Variants in TPRA1 observed in about 807,000 individuals in gnomAD.
TPRA1 encodes transmembrane protein adipocyte-associated 1.
In TPRA1, 28 loss-of-function variants were observed where a neutral mutation model predicts 40.1. That is an observed-to-expected ratio of 0.70 (90% confidence interval 0.52 to 0.96). The LOEUF (loss-of-function observed/expected upper bound fraction) is 0.96, where lower values mean the gene tolerates loss of function less well. TPRA1 is among the 40% of genes least tolerant of loss of function. The probability of loss-of-function intolerance (pLI) is 0.00; values close to 1 mark genes in which losing one functional copy is unlikely to be tolerated. For synonymous variants in TPRA1, 219 were observed against 209.7 expected (o/e 1.04, Z -0.38); for missense variants, 441 against 482.6 (o/e 0.91, Z 0.81).
chr3:127,573,864 G>T, intron 10 of TPRA1, 76 bp from the exon 11 acceptor site: 1 of 1,485,942 alleles, frequency 6.7e-7, no homozygotes, highest in Non-Finnish European at 9.0e-7. Context: ...GGCTGATGGG[G>T]CCACCAGATA....
At chr3:127,575,919 C>CTGCCCCAGCCACCCCAGT (rs2073602636) in intron 7 of TPRA1, 21 bp downstream of exon 7, 1 of 1,613,098 alleles carries the variant, frequency 6.2e-7, no homozygotes, top group African/African-American at 1.3e-5. Flanking sequence ...GCCACCCCAG[C>CTGCCCCAGCCACCCCAGT]TGCCCCAGCC....
At position 127,573,272 on chromosome 3, in the gene TPRA1, A is replaced by C. The variant is rs2073432624; in HGVS notation, c.*249T>G. 3 of 444,746 alleles carry C rather than the reference A, an allele frequency of 6.7e-6. No homozygotes were observed. Among genetic ancestry groups the C allele is most frequent in the South Asian group, 5.6e-5 (1 of 18,000 alleles). 27.5% of individuals were successfully genotyped at this position (444,746 alleles called of 1,614,324 possible). A position where few individuals can be genotyped will look rare whatever the true frequency, so the allele number is the denominator to read the frequency against. ...CCTTGCCAAGCATGGCCCTGGAAGG[A>C]AAGCCTGGGCCATGTCACTGAGCAG... On this transcript the variant is annotated 3_prime_UTR_variant, in exon 11 of 11. Transcript: ENST00000355552.
At chr3:127,583,616 G>C (rs902799170) in intron 1 of TPRA1, among the ~76,000 whole-genome samples, 2 of 151,722 alleles carry the variant, frequency 1.3e-5, no homozygotes, top group African/African-American at 4.8e-5. Flanking sequence ...TAAGAAAGAA[G>C]ATGGCTCCTT....
Position 127,576,566 on chromosome 3 carries a change from G to A in TPRA1, c.498+51C>T, listed in dbSNP as rs1235407447. 17 of 1,514,888 alleles carry A rather than the reference G, an allele frequency of 1.1e-5. No individual in the cohort carries two copies. In the East Asian group the frequency reaches 3.9e-4, roughly 35 times the overall value. The allele number at this position is 1,514,888 out of a possible 1,614,324, so 93.8% of individuals were successfully genotyped here. ...CCTGACCCAGACCCAGAAGCAGTGG[G>A]TGCCTGGTGCCCTGACTCCTAGCGT... On this transcript the variant is annotated intron_variant, in intron 6 of 10. Transcript: ENST00000355552. This position sits in a 1 kb window ranked among gnomAD's most constrained non-coding sequence, Gnocchi z 4.6.
At chr3:127,596,507 T>C (rs1383016743) in intron 1 of TPRA1, among the ~76,000 whole-genome samples, 1 of 152,226 alleles carries the variant, frequency 6.6e-6, no homozygotes, top group African/African-American at 2.4e-5. Flanking sequence ...CTCTTAACTG[T>C]TGGGGTTTCC....
At chr3:127,578,016 C>T (rs547893886) in intron 3 of TPRA1, among the ~76,000 whole-genome samples, 103 of 152,284 alleles carry the variant, frequency 6.8e-4, no homozygotes, top group African/African-American at 2.5e-3. Context: ...AGATCCCAGG[C>T]TGAGTGGGAG....
chr3:127,583,843 T>C (rs895267317), intron 1 of TPRA1, among the ~76,000 whole-genome samples: 5 of 152,090 alleles, frequency 3.3e-5, no homozygotes, highest in African/African-American at 1.2e-4. Flanking sequence ...GCTAATTTTT[T>C]GTATTTTAGT....
upstream of TPRA1, among the ~76,000 whole-genome samples, chr3:127,594,021 A>G (rs1237379751): frequency 6.6e-6 from 1 of 152,260 alleles, no homozygotes; most frequent in Non-Finnish European, 1.5e-5. Flanking sequence ...GGTGTCAATG[A>G]CAATGTGCTA....
At chr3:127,590,737 A>T (rs925097424), upstream of TPRA1, 1 of 152,166 alleles carries the variant, frequency 6.6e-6, no homozygotes, top group South Asian at 2.1e-4. Context: ...CAGTCCCACA[A>T]GTCCCAGAGT....
At position 127,589,383 on chromosome 3, in the gene TPRA1, C is replaced by T. The variant is rs79855626; in HGVS notation, c.-18+1027G>A. Among the ~76,000 whole-genome samples, 1,398 of 150,188 alleles carry T rather than the reference C, an allele frequency of 9.3e-3. 20 individuals are homozygous for T. The highest frequency in any genetic ancestry group is 0.03 in the African/African-American group (1,225 of 40,920). On this transcript the variant is annotated intron_variant, in intron 1 of 10. Transcript: ENST00000355552. Reference sequence around the variant, plus strand: ...GGGCCCTCAGTGCTTCCCACACCGACGGGTTGTTGAGCTTACAAACCCTAG... The same window carrying T: ...GGGCCCTCAGTGCTTCCCACACCGATGGGTTGTTGAGCTTACAAACCCTAG...
At chr3:127,574,609 G>A (rs1013593593) in intron 10 of TPRA1, among the ~76,000 whole-genome samples, 1 of 152,182 alleles carries the variant, frequency 6.6e-6, no homozygotes, top group Non-Finnish European at 1.5e-5. Flanking sequence ...TGTGGGCCTC[G>A]CATCTTCTGG....
intron 1 of TPRA1, among the ~76,000 whole-genome samples, chr3:127,582,989 C>T (rs2073880032): frequency 6.6e-6 from 1 of 151,148 alleles, no homozygotes; most frequent in Non-Finnish European, 1.5e-5. Flanking sequence ...ACTAAAAATA[C>T]AAAAAAATTA....
intron 3 of TPRA1, 77 bp downstream of exon 3, chr3:127,579,663 T>A: frequency 1.3e-6 from 2 of 1,515,588 alleles, no homozygotes; most frequent in Non-Finnish European, 1.8e-6. Flanking sequence ...AAGCTTATTT[T>A]CATTATAGAA....
Position 127,572,723 on chromosome 3 carries a change from T to C in TPRA1, c.*798A>G, listed in dbSNP as rs2073411007. 1.3e-5 allele frequency among the ~76,000 whole-genome samples: 2 copies of C among 152,204 alleles called. No homozygotes were observed. The highest frequency in any genetic ancestry group is 4.8e-5 in the African/African-American group (2 of 41,458). ...ATGGGTCTTCTCCGCATTTTACAGA[T>C]GGCAATAGTAAGTCCATTCTGCGTT... On this transcript the variant is annotated 3_prime_UTR_variant, in exon 11 of 11. Coordinates refer to ENST00000355552, the MANE Select transcript of TPRA1 (RefSeq NM_001136053.4).
chr3:127,581,239 G>C lies in TPRA1; in HGVS notation c.-17-1076C>G, dbSNP rs138063643. Among the ~76,000 whole-genome samples the C allele has an allele frequency of 3.3e-5, 5 of 152,330 alleles. No individual in the cohort carries two copies. The East Asian group carries it at 9.7e-4, about 29-fold the overall frequency. Reference sequence around the variant, plus strand: ...AGATGCCTGTGACTCTGCTTCACCAGGAATGCTTGTAAAGGCTGTGGATGA... The same window carrying C: ...AGATGCCTGTGACTCTGCTTCACCACGAATGCTTGTAAAGGCTGTGGATGA... On this transcript the variant is annotated intron_variant, in intron 1 of 10. Coordinates refer to ENST00000355552, the MANE Select transcript of TPRA1 (RefSeq NM_001136053.4).
At chr3:127,573,926 A>G (rs762106496) in intron 10 of TPRA1, 138 bp from the exon 11 acceptor site, 14 of 1,168,940 alleles carry the variant, frequency 1.2e-5, no homozygotes, top group Admixed American at 2.9e-5. Context: ...TGGGCCTGTG[A>G]GCTGGACCCC....
intron 3 of TPRA1, among the ~76,000 whole-genome samples, chr3:127,577,403 C>T (rs759818962): frequency 6.6e-6 from 1 of 152,210 alleles, no homozygotes; most frequent in Admixed American, 6.5e-5. Context: ...ACAAGCAGCA[C>T]GCTGCTGCTT....
At chr3:127,575,897 C>T (rs1426504386) in intron 7 of TPRA1, 43 bp downstream of exon 7, 1 of 1,611,294 alleles carries the variant, frequency 6.2e-7, no homozygotes, top group Non-Finnish European at 8.5e-7. Context: ...CCTACCTGGC[C>T]CTAAGGCCCC....
chr3:127,572,217 C>A lies in TPRA1; in HGVS notation c.*1304G>T, dbSNP rs1221141327. ...TGTGTTGGAGCTTGTGCCCTCGGCACCCCATTCCCCCCTAAAAAAAAAAGG... is the reference window on the plus strand; with the variant it reads ...TGTGTTGGAGCTTGTGCCCTCGGCAACCCATTCCCCCCTAAAAAAAAAAGG... On this transcript the variant is annotated 3_prime_UTR_variant, in exon 11 of 11. Coordinates refer to ENST00000355552, the MANE Select transcript of TPRA1 (RefSeq NM_001136053.4). 6.6e-6 allele frequency among the ~76,000 whole-genome samples: 1 copy of A among 152,186 alleles called. No individual in the cohort carries two copies. Among genetic ancestry groups the A allele is most frequent in the Admixed American group, 6.5e-5 (1 of 15,284 alleles).
Sources: gnomAD v4.1 joint callset for allele counts (sites outside exome capture counted in the v4.1 genomes callset) on GRCh38, gnomAD v4.1.1 for gene constraint, Gnocchi (gnomAD v3.1) non-coding constraint, MANE v1.5 for transcripts, NCBI Gene and HGNC (gene_info 2026-07-23, HGNC 2026-07-21) for gene names.